ROBO1: variants seen among roughly 807,000 people sequenced by gnomAD.
The protein encoded by ROBO1 is roundabout homolog 1.
ROBO1 carries 149 observed loss-of-function variants against 195.9 expected under a neutral mutation model. That is an observed-to-expected ratio of 0.76 (90% CI 0.67 to 0.87). The LOEUF is 0.87. ROBO1 is among the 40% of genes least tolerant of loss of function. The probability of loss-of-function intolerance (pLI) is 0.00; values close to 1 mark genes in which losing one functional copy is unlikely to be tolerated. For missense variants in ROBO1, 1,933 were observed against 2,068.3 expected (o/e 0.93, Z 1.27); for synonymous variants, 816 against 733.2 (o/e 1.11, Z -1.82).
chr3:78,692,566 A>T (rs759618901), intron 8 of ROBO1, among the ~76,000 whole-genome samples: 3 of 152,066 alleles, frequency 2.0e-5, no homozygotes. Flanking sequence ...CCGCCATGCC[A>T]GACCTATTGT....
chr3:79,198,146 T>C (rs1399291533), intron 2 of ROBO1, among the ~76,000 whole-genome samples: 1 of 152,136 alleles, frequency 6.6e-6, no homozygotes, highest in East Asian at 1.9e-4. Context: ...GCCTAGGTTT[T>C]CTTCTAGGGT....
intron 1 of ROBO1, among the ~76,000 whole-genome samples, chr3:79,747,042 T>C (rs1159335127): frequency 6.6e-6 from 1 of 152,050 alleles, no homozygotes; most frequent in Non-Finnish European, 1.5e-5. Flanking sequence ...TGTAAAGGAG[T>C]ATTCCAGCCC....
chr3:78,759,700 G>A (rs333491), intron 4 of ROBO1, among the ~76,000 whole-genome samples: 81,078 of 151,958 alleles, frequency 0.53, 21,840 homozygotes, highest in East Asian at 0.73. Context: ...TTTGTTGTTT[G>A]TTAATTATTG....
At chr3:78,757,910 T>C (rs1246284291) in intron 4 of ROBO1, among the ~76,000 whole-genome samples, 1 of 152,218 alleles carries the variant, frequency 6.6e-6, no homozygotes, top group African/African-American at 2.4e-5. Context: ...TATCTTCCCC[T>C]ATCAGAGCCT....
Position 78,598,523 on chromosome 3 carries a change from A to G in ROBO1, c.*390T>C. Reference sequence around the variant, plus strand: ...GTGAGGTTGAATATCAACTTTCTATATTTGATCAATATCTTGCTATAAATT... The same window carrying G: ...GTGAGGTTGAATATCAACTTTCTATGTTTGATCAATATCTTGCTATAAATT... On this transcript the variant is annotated 3_prime_UTR_variant, in exon 31 of 31. Transcript: ENST00000464233. 6.1e-6 allele frequency: 1 copy of G among 162,734 alleles called. No homozygotes were observed. Among genetic ancestry groups the G allele is most frequent in the African/African-American group, 2.4e-5 (1 of 42,028 alleles). The allele number at this position is 162,734 out of a possible 1,614,324, so 10.1% of individuals were successfully genotyped here.
At position 79,640,198 on chromosome 3, in the gene ROBO1, GA is replaced by G. The variant is rs550142599; in HGVS notation, c.-50-50238del. Among the ~76,000 whole-genome samples the G allele has an allele frequency of 6.5e-3, 990 of 151,940 alleles. 10 individuals carry two copies. Among genetic ancestry groups the G allele is most frequent in the African/African-American group, 0.022 (930 of 41,474 alleles). On this transcript the variant is annotated intron_variant, in intron 1 of 30. Coordinates refer to ENST00000464233, the MANE Select transcript of ROBO1 (RefSeq NM_002941.4). ...AATTTGAGTTGAAGCTACCTATAAA[GA>G]AAAAAAGATAGCTTGGGAAATATGT... is the stretch of plus-strand genomic sequence containing the variant.
intron 2 of ROBO1, among the ~76,000 whole-genome samples, chr3:79,371,457 C>T (rs1038961950): frequency 1.3e-5 from 2 of 151,970 alleles, no homozygotes; most frequent in Admixed American, 6.6e-5. Flanking sequence ...ATTCCATTTA[C>T]GTAGTAGATG....
chr3:79,766,600 C>A (rs1339387100), intron 1 of ROBO1, among the ~76,000 whole-genome samples: 1 of 152,034 alleles, frequency 6.6e-6, no homozygotes, highest in African/African-American at 2.4e-5. Context: ...GCAGCCCAGG[C>A]TGCAGCAGTG....
chr3:79,745,128 T>C (rs1016218269), intron 1 of ROBO1, among the ~76,000 whole-genome samples: 15 of 152,146 alleles, frequency 9.9e-5, no homozygotes, highest in Admixed American at 6.5e-4. Flanking sequence ...AAGTACAGCT[T>C]ACATCCATTA....
chr3:79,466,408 C>CT (rs1304148970), intron 2 of ROBO1, among the ~76,000 whole-genome samples: 2 of 152,022 alleles, frequency 1.3e-5, no homozygotes, highest in African/African-American at 4.8e-5. Flanking sequence ...CCTACGAAGC[C>CT]TAGAAGGATT....
chr3:78,732,647 G>A (rs2082309998), intron 5 of ROBO1, among the ~76,000 whole-genome samples: 1 of 152,078 alleles, frequency 6.6e-6, no homozygotes, highest in African/African-American at 2.4e-5. Context: ...GAACAATACA[G>A]TGATGTCATA....
intron 1 of ROBO1, among the ~76,000 whole-genome samples, chr3:79,718,309 C>A (rs1047525400): frequency 7.9e-5 from 12 of 151,860 alleles, no homozygotes; most frequent in Admixed American, 6.6e-4. Flanking sequence ...AAATTTATAT[C>A]AAAAATTAAA....
At chr3:78,655,055 T>C (rs1483413446) in intron 18 of ROBO1, among the ~76,000 whole-genome samples, 1 of 152,206 alleles carries the variant, frequency 6.6e-6, no homozygotes, top group Non-Finnish European at 1.5e-5. Flanking sequence ...GTTTCTTGTG[T>C]TGCTTGAAAC....
intron 18 of ROBO1, among the ~76,000 whole-genome samples, chr3:78,656,127 T>G (rs1706995604): frequency 6.6e-6 from 1 of 152,174 alleles, no homozygotes; most frequent in South Asian, 2.1e-4. Flanking sequence ...GTTAGTTTTT[T>G]TTTTAATTCA....
At chr3:79,516,896 A>G (rs997085643) in intron 2 of ROBO1, among the ~76,000 whole-genome samples, 1 of 152,150 alleles carries the variant, frequency 6.6e-6, no homozygotes, top group Non-Finnish European at 1.5e-5. Flanking sequence ...ATAATGCACT[A>G]TTGCCTTCCT....
chr3:79,477,869 A>T (rs962915786), intron 2 of ROBO1, among the ~76,000 whole-genome samples: 3 of 152,292 alleles, frequency 2.0e-5, no homozygotes, highest in African/African-American at 7.2e-5. Context: ...CTGATTTAGG[A>T]TTATCTGGAA....
At chr3:78,632,090 C>T (rs925904518) in intron 24 of ROBO1, among the ~76,000 whole-genome samples, 1 of 152,068 alleles carries the variant, frequency 6.6e-6, no homozygotes, top group African/African-American at 2.4e-5. Context: ...GACAAAATAT[C>T]CCCTTTCCAA....
intron 21 of ROBO1, among the ~76,000 whole-genome samples, chr3:78,645,445 T>C (rs1167200605): frequency 1.6e-5 from 1 of 60,898 alleles, no homozygotes; most frequent in Non-Finnish European, 3.1e-5. Context: ...GATGTTACTG[T>C]TTTGGAGAAA....
intron 3 of ROBO1, among the ~76,000 whole-genome samples, chr3:79,011,308 T>C (rs1166119973): frequency 4.6e-5 from 7 of 152,196 alleles, no homozygotes; most frequent in African/African-American, 1.4e-4. Context: ...GGAAAGGAAT[T>C]GCAGATAGAT....
Sources: allele counts gnomAD v4.1 joint callset (sites outside exome capture counted in the v4.1 genomes callset), GRCh38; gene constraint gnomAD v4.1.1; transcripts MANE v1.5; gene names NCBI Gene and HGNC (gene_info 2026-07-23, HGNC 2026-07-21).